The following PRDX5 variants were observed in gnomAD, a reference collection of about 807,000 sequenced individuals.
PRDX5 encodes peroxiredoxin 5.
In PRDX5, 21 loss-of-function variants were observed where a neutral mutation model predicts 23.8. That is an observed-to-expected ratio of 0.88 (90% CI 0.63 to 1.27). The LOEUF (loss-of-function observed/expected upper bound fraction) is 1.27, where lower values mean the gene tolerates loss of function less well. PRDX5 is among the 50% of genes most tolerant of loss of function. The pLI, the probability that PRDX5 is intolerant of heterozygous loss-of-function variation, is 0.00. For synonymous variants in PRDX5, 111 were observed against 113.3 expected (o/e 0.98, Z 0.13); for missense variants, 261 against 270.6 (o/e 0.96, Z 0.25).
intron 2 of PRDX5, among the ~76,000 whole-genome samples, chr11:64,320,397 A>G (rs984400307): frequency 2.0e-5 from 3 of 152,198 alleles, no homozygotes; most frequent in Non-Finnish European, 2.9e-5. Flanking sequence ...CTGCTAAATG[A>G]CAGGCACTGT....
At position 64,318,265 on chromosome 11, in the gene PRDX5, T is replaced by A; in HGVS notation, c.50T>A (p.Leu17His). 1 of 1,612,308 alleles carries A rather than the reference T, an allele frequency of 6.2e-7. No homozygotes were observed. Among genetic ancestry groups the A allele is most frequent in the Non-Finnish European group, 8.5e-7 (1 of 1,179,888 alleles). Residue 17 changes from leucine to histidine, a missense_variant, in exon 1 of 6, where the codon CTC becomes CAC. Leu to His is a moderately conservative substitution (Grantham distance 99, BLOSUM62 -3). Coordinates refer to ENST00000265462, the MANE Select transcript of PRDX5 (RefSeq NM_012094.5). ...CALRRSAGYI[L>H]VGGAGGQSAA... ...CTGAGACGCTCAGCGGGCTATATAC[T>A]CGTCGGTGGGGCCGGCGGTCAGTCT... is the stretch of plus-strand genomic sequence containing the variant.
intron 1 of PRDX5, among the ~76,000 whole-genome samples, chr11:64,318,985 C>T (rs1565382146): frequency 6.6e-6 from 1 of 151,908 alleles, no homozygotes; most frequent in Non-Finnish European, 1.5e-5. Context: ...CCATGACCTC[C>T]CCTCCCCCCA....
chr11:64,319,355 T>A (rs1322741022), intron 1 of PRDX5, among the ~76,000 whole-genome samples: 2 of 152,002 alleles, frequency 1.3e-5, no homozygotes, highest in Non-Finnish European at 2.9e-5. Context: ...CAAGATCCTC[T>A]CCCTCCATGT....
chr11:64,318,469 A>C, intron 1 of PRDX5, 83 bp downstream of exon 1: 1 of 1,486,664 alleles, frequency 6.7e-7, no homozygotes, highest in Non-Finnish European at 9.0e-7. Flanking sequence ...GTATCGCTTT[A>C]TTTCCTGCCT....
At chr11:64,321,463 G>T in intron 5 of PRDX5, 123 bp from the exon 6 acceptor site, 2 of 1,488,780 alleles carry the variant, frequency 1.3e-6, no homozygotes, top group Non-Finnish European at 1.8e-6. Context: ...CTGTGGGGGA[G>T]AGTCCTCTGT....
At position 64,318,322 on chromosome 11, in the gene PRDX5, G is replaced by C; in HGVS notation, c.107G>C (p.Gly36Ala). The C allele has an allele frequency of 6.2e-7, 1 of 1,612,702 alleles. No homozygotes were observed. Among genetic ancestry groups the C allele is most frequent in the Non-Finnish European group, 8.5e-7 (1 of 1,179,820 alleles). The stretch of plus-strand genomic sequence containing the variant: ...GCGGCAGCAAGACGGTACAGTGAAG[G>C]AGAGTGGGCGTCTGGCGGGGTCCGC... ...AAAAARRYSE[G>A]EWASGGVRSF... Residue 36 changes from glycine (G) to alanine (A), a missense_variant, in exon 1 of 6, where the codon GGA becomes GCA. By Grantham distance (60) the Gly-to-Ala change is moderately conservative. Coordinates refer to ENST00000265462, the MANE Select transcript of PRDX5 (RefSeq NM_012094.5).
In PRDX5 at chr11:64,318,191, G is replaced by T; in HGVS notation, c.-25G>T. On this transcript the variant is annotated 5_prime_UTR_variant, in exon 1 of 6. Transcript: ENST00000265462. ...CTGCGGTGGCACCAGCCAGGAGGCGGAGTGGAAGTGGCCGTGGGGCGGGTA... is the reference window on the plus strand; with the variant it reads ...CTGCGGTGGCACCAGCCAGGAGGCGTAGTGGAAGTGGCCGTGGGGCGGGTA... The T allele has an allele frequency of 1.9e-6, 3 of 1,610,612 alleles. No homozygotes were observed. The highest frequency in any genetic ancestry group is 2.5e-6 in the Non-Finnish European group (3 of 1,179,300).
intron 5 of PRDX5, 139 bp downstream of exon 5, chr11:64,321,207 G>GT (rs2035489686): frequency 9.5e-7 from 1 of 1,052,920 alleles, no homozygotes; most frequent in Non-Finnish European, 1.4e-6. Flanking sequence ...AGTCGTCTGT[G>GT]GGGAGAGTCC....
chr11:64,321,181 G>A, intron 5 of PRDX5, 113 bp downstream of exon 5: 2 of 1,266,546 alleles, frequency 1.6e-6, no homozygotes, highest in Non-Finnish European at 2.3e-6. Context: ...GTGGGGGAGA[G>A]TCCTCTGTGT....
At chr11:64,320,555 G>C in intron 2 of PRDX5, 106 bp from the exon 3 acceptor site, 1 of 1,464,120 alleles carries the variant, frequency 6.8e-7, no homozygotes, top group Non-Finnish European at 9.1e-7. Flanking sequence ...CTCATTGTCT[G>C]ATCAAAGGTG....
intron 5 of PRDX5, 48 bp from the exon 6 acceptor site, chr11:64,321,538 C>A (rs1203014392): frequency 6.3e-7 from 1 of 1,592,960 alleles, no homozygotes; most frequent in African/African-American, 1.3e-5. Context: ...CCATGCCCAG[C>A]CTCCAAGCCC....
intron 1 of PRDX5, among the ~76,000 whole-genome samples, chr11:64,319,271 C>T (rs1168949701): frequency 1.3e-5 from 2 of 151,976 alleles, no homozygotes; most frequent in African/African-American, 4.8e-5. Flanking sequence ...GGGGCCTGGA[C>T]ACCCTCCCCC....
At chr11:64,319,492 C>T (rs2035430154) in intron 1 of PRDX5, among the ~76,000 whole-genome samples, 1 of 152,230 alleles carries the variant, frequency 6.6e-6, no homozygotes, top group African/African-American at 2.4e-5. Context: ...ACCTTCCCTC[C>T]CTTTCTCTGT....
At position 64,320,739 on chromosome 11, in the gene PRDX5, A is replaced by T; in HGVS notation, c.385A>T (p.Asn129Tyr). 2.5e-6 allele frequency: 4 copies of T among 1,614,032 alleles called. No homozygotes were observed. Among genetic ancestry groups the T allele is most frequent in the African/African-American group, 1.3e-5 (1 of 75,016 alleles). Residue 129 changes from asparagine to tyrosine, a missense_variant, in exon 3 of 6, where the codon AAT becomes TAT. Coordinates refer to ENST00000265462, the MANE Select transcript of PRDX5 (RefSeq NM_012094.5). Reference sequence around the variant, plus strand: ...CCAGGTGGTGGCCTGTCTGAGTGTTAATGATGCCTTTGTGACTGGCGAGTG... The same window carrying T: ...CCAGGTGGTGGCCTGTCTGAGTGTTTATGATGCCTTTGTGACTGGCGAGTG... Reference protein sequence around the residue: ...GVQVVACLSVNDAFVTGEWGR... With the variant: ...GVQVVACLSVYDAFVTGEWGR...
chr11:64,318,504 C>G, intron 1 of PRDX5, 118 bp downstream of exon 1: 2 of 1,335,534 alleles, frequency 1.5e-6, no homozygotes, highest in Admixed American at 2.5e-5. Context: ...CTCCGCCCGC[C>G]CGGCTCATCC....
intron 1 of PRDX5, among the ~76,000 whole-genome samples, chr11:64,318,781 G>A (rs1351686988): frequency 6.6e-6 from 1 of 151,588 alleles, no homozygotes; most frequent in Non-Finnish European, 1.5e-5. Flanking sequence ...ATTTTTAGTA[G>A]AGACGGGATT....
Position 64,320,920 on chromosome 11 carries a change from C to T in PRDX5, c.477+17C>T. ...TTTGGGAAGGTGAGTGTTCCCCTGA[C>T]CGCCACAGGGACATGGCAGTGCGGG... On this transcript the variant is annotated intron_variant, in intron 4 of 5. Coordinates refer to ENST00000265462, the MANE Select transcript of PRDX5 (RefSeq NM_012094.5). The T allele has an allele frequency of 6.2e-7, 1 of 1,614,218 alleles. No homozygotes were observed. The highest frequency in any genetic ancestry group is 1.3e-5 in the African/African-American group (1 of 75,060).
intron 1 of PRDX5, among the ~76,000 whole-genome samples, chr11:64,318,837 A>ACCCCCCCCCCCCCCCCCCCCCCCCCCCC (rs374862180): frequency 1.3e-5 from 1 of 77,416 alleles, no homozygotes; most frequent in African/African-American, 5.1e-5. Flanking sequence ...CCTCAGGTGA[A>ACCCCCCCCCCCCCCCCCCCCCCCCCCCC]CCCCCCCCGC....
chr11:64,319,796 G>A lies in PRDX5; in HGVS notation c.234G>A (p.Leu78=). The change falls in exon 2 of 6, where the codon CTG becomes CTA. Residue 78 remains leucine, a synonymous_variant. Coordinates refer to ENST00000265462, the MANE Select transcript of PRDX5 (RefSeq NM_012094.5). ...FEGEPGNKVN[L]AELFKGKKGV... is the part of the protein sequence containing the mutation. ...GGGAGCCAGGGAACAAGGTGAACCT[G>A]GCAGAGCTGTTCAAGGGCAAGAAGG... The A allele has an allele frequency of 6.2e-7, 1 of 1,614,138 alleles. No individual in the cohort carries two copies. The highest frequency in any genetic ancestry group is 8.5e-7 in the Non-Finnish European group (1 of 1,179,990).
Sources: gnomAD v4.1 joint callset for allele counts (sites outside exome capture counted in the v4.1 genomes callset) on GRCh38, gnomAD v4.1.1 for gene constraint, MANE v1.5 for transcripts, NCBI Gene and HGNC (gene_info 2026-07-23, HGNC 2026-07-21) for gene names.